The following DLGAP2 variants were observed in gnomAD, a reference collection of about 807,000 sequenced individuals.
The protein encoded by DLGAP2 is disks large-associated protein 2.
Under a neutral mutation model 100.3 loss-of-function variants are expected in DLGAP2, and 26 were observed. The observed-to-expected ratio is 0.26, with a 90% CI of 0.19 to 0.36. DLGAP2 has a LOEUF of 0.36. Among genes scored for constraint, DLGAP2 ranks in the 10% least tolerant of loss-of-function variants. The probability of loss-of-function intolerance (pLI) is 1.00; values close to 1 mark genes in which losing one functional copy is unlikely to be tolerated. For synonymous variants in DLGAP2, 886 were observed against 630.1 expected, an observed-to-expected ratio of 1.41 and a Z score of -6.08; for missense variants, 1,858 against 1,453.2, an observed-to-expected ratio of 1.28 and a Z score of -4.53.
At chr8:1,237,108 G>A (rs1313134338) in intron 2 of DLGAP2, among the ~76,000 whole-genome samples, 636 of 56,640 alleles carry the variant, frequency 0.011, 5 homozygotes, top group Non-Finnish European at 0.014. Context: ...ACATGGCACC[G>A]TGCCTAGTTC....
At position 1,683,555 on chromosome 8, in the gene DLGAP2, C is replaced by T. The variant is rs913074521; in HGVS notation, c.2704+4926C>T. Among the ~76,000 whole-genome samples the T allele has an allele frequency of 2.3e-4, 34 of 150,972 alleles. 1 individual carries two copies. Among genetic ancestry groups the T allele is most frequent in the Admixed American group, 2.2e-3 (33 of 15,162 alleles). On this transcript the variant is annotated intron_variant, in intron 12 of 14. Coordinates refer to ENST00000637795, the MANE Select transcript of DLGAP2 (RefSeq NM_001346810.2). ...ATTTTAGGCTCCTTCAATGAAGTGG[C>T]CACATTTGACATTTATCATCCACAG...
At chr8:1,231,147 A>G (rs981023467) in intron 2 of DLGAP2, among the ~76,000 whole-genome samples, 1 of 152,360 alleles carries the variant, frequency 6.6e-6, no homozygotes, top group African/African-American at 2.4e-5. Flanking sequence ...TTGAACAAGC[A>G]AAAAACAAAT....
chr8:1,649,040 G>A (rs1248905095), intron 8 of DLGAP2, among the ~76,000 whole-genome samples: 1 of 152,056 alleles, frequency 6.6e-6, no homozygotes, highest in Non-Finnish European at 1.5e-5. Flanking sequence ...AGGTCCGGAG[G>A]GGCCCAAAAA....
At chr8:1,368,170 A>G (rs1802151149) in intron 3 of DLGAP2, among the ~76,000 whole-genome samples, 1 of 152,048 alleles carries the variant, frequency 6.6e-6, no homozygotes, top group Non-Finnish European at 1.5e-5. Context: ...ATACGTGTGC[A>G]TGTGTGTGTG....
chr8:786,929 C>T (rs964593173), intron 1 of DLGAP2, among the ~76,000 whole-genome samples: 1 of 152,120 alleles, frequency 6.6e-6, no homozygotes, highest in African/African-American at 2.4e-5. Flanking sequence ...CCTCAAAACA[C>T]TTCTGTCCTT....
intron 3 of DLGAP2, among the ~76,000 whole-genome samples, chr8:1,338,277 A>G (rs1429934199): frequency 1.3e-5 from 2 of 152,214 alleles, no homozygotes; most frequent in African/African-American, 4.8e-5. Context: ...GAAACAGCAG[A>G]TGTTCCCCAT....
intron 6 of DLGAP2, among the ~76,000 whole-genome samples, chr8:1,588,048 G>A (rs1423824727): frequency 1.3e-5 from 2 of 152,142 alleles, no homozygotes; most frequent in African/African-American, 4.8e-5. Flanking sequence ...TAGAGTTCTG[G>A]TAGCACAATA....
chr8:1,327,142 A>G (rs901323601), intron 3 of DLGAP2, among the ~76,000 whole-genome samples: 5 of 152,190 alleles, frequency 3.3e-5, no homozygotes, highest in African/African-American at 1.2e-4. Context: ...CCTGACACTG[A>G]GCGAGATTAC....
chr8:833,539 A>G (rs1243786342), intron 1 of DLGAP2, among the ~76,000 whole-genome samples: 1 of 152,094 alleles, frequency 6.6e-6, no homozygotes, highest in African/African-American at 2.4e-5. Context: ...CTGATGCTGC[A>G]TCTCTGGCTC....
At chr8:1,271,107 A>G (rs1799573920) in intron 3 of DLGAP2, among the ~76,000 whole-genome samples, 1 of 152,210 alleles carries the variant, frequency 6.6e-6, no homozygotes, top group East Asian at 1.9e-4. Flanking sequence ...TGGCAAACTA[A>G]CCATTACCAA....
intron 2 of DLGAP2, among the ~76,000 whole-genome samples, chr8:978,459 C>T (rs78419713): frequency 1.9e-4 from 5 of 26,908 alleles, no homozygotes; most frequent in Admixed American, 1.3e-3. Context: ...TCTTTGGTGA[C>T]GTGGGGAGGG....
intron 2 of DLGAP2, among the ~76,000 whole-genome samples, chr8:1,228,595 C>T (rs927116987): frequency 3.3e-5 from 5 of 152,026 alleles, no homozygotes; most frequent in African/African-American, 4.8e-5. Flanking sequence ...TAGAACATAC[C>T]CAACTAGATT....
chr8:1,237,161 T>C (rs1798677552), intron 2 of DLGAP2, among the ~76,000 whole-genome samples: 1 of 138,622 alleles, frequency 7.2e-6, no homozygotes, highest in African/African-American at 2.9e-5. Context: ...CATGGCGCCG[T>C]GTCTAGTTCT....
chr8:1,195,659 C>G (rs1194655505), intron 2 of DLGAP2, among the ~76,000 whole-genome samples: 1 of 151,972 alleles, frequency 6.6e-6, no homozygotes, highest in Non-Finnish European at 1.5e-5. Flanking sequence ...CCAAAGGATT[C>G]TCTTCTTTTT....
intron 2 of DLGAP2, among the ~76,000 whole-genome samples, chr8:980,673 T>A (rs762394507): frequency 3.3e-5 from 5 of 152,160 alleles, no homozygotes; most frequent in Non-Finnish European, 7.3e-5. Flanking sequence ...GCAGCCGTGC[T>A]GAGGAAGGAG....
At chr8:1,599,281 A>C (rs1391649433) in intron 6 of DLGAP2, among the ~76,000 whole-genome samples, 2 of 152,190 alleles carry the variant, frequency 1.3e-5, no homozygotes, top group African/African-American at 4.8e-5. Flanking sequence ...TTTTACTCCC[A>C]ATTATGTGGT....
chr8:1,622,256 A>G (rs1012151963), intron 6 of DLGAP2: 2 of 152,250 alleles, frequency 1.3e-5, no homozygotes, highest in African/African-American at 4.8e-5. Context: ...CATTTATAGA[A>G]ATGAGAAGAT....
chr8:1,291,205 C>A (rs143635396), intron 3 of DLGAP2, among the ~76,000 whole-genome samples: 111 of 152,160 alleles, frequency 7.3e-4, no homozygotes, highest in African/African-American at 2.7e-3. Context: ...GTAACTGCTC[C>A]AGTTAAAAGT....
intron 2 of DLGAP2, among the ~76,000 whole-genome samples, chr8:1,173,852 G>T (rs184448936): frequency 6.6e-6 from 1 of 152,212 alleles, no homozygotes. Context: ...GCAATGCGTC[G>T]CCCTGCTTCG....
Sources: gnomAD v4.1 joint callset for allele counts (sites outside exome capture counted in the v4.1 genomes callset) on GRCh38, gnomAD v4.1.1 for gene constraint, MANE v1.5 for transcripts, NCBI Gene and HGNC (gene_info 2026-07-23, HGNC 2026-07-21) for gene names.